DPP10: variants seen among roughly 807,000 people sequenced by gnomAD.
DPP10 encodes dipeptidyl peptidase like 10, also known as inactive dipeptidyl peptidase 10.
Under a neutral mutation model 120.9 loss-of-function variants are expected in DPP10, and 33 were observed. The observed-to-expected ratio is 0.27, with a 90% CI of 0.21 to 0.37. The LOEUF is 0.37. Ranked by LOEUF, DPP10 falls within the 10% of genes least tolerant of loss-of-function variation. The probability of loss-of-function intolerance (pLI) is 1.00; values close to 1 mark genes in which losing one functional copy is unlikely to be tolerated. For synonymous variants in DPP10, 337 were observed against 326.1 expected, an observed-to-expected ratio of 1.03 and a Z score of -0.36; for missense variants, 816 against 942.8, an observed-to-expected ratio of 0.87 and a Z score of 1.76.
At chr2:115,758,909 T>C (rs895962497) in intron 11 of DPP10, among the ~76,000 whole-genome samples, 13 of 152,178 alleles carry the variant, frequency 8.5e-5, no homozygotes, top group Admixed American at 2.6e-4. Context: ...TGACAACTCA[T>C]ATCATATTCT....
chr2:115,553,916 T>C (rs978948639), intron 5 of DPP10, among the ~76,000 whole-genome samples: 19 of 151,654 alleles, frequency 1.3e-4, no homozygotes, highest in African/African-American at 4.6e-4. Context: ...ACTGAATTAT[T>C]CAATGTTTCA....
At chr2:114,881,475 C>CTATCTATT in intron 1 of DPP10, among the ~76,000 whole-genome samples, 1 of 114,080 alleles carries the variant, frequency 8.8e-6, no homozygotes, top group South Asian at 3.6e-4. Context: ...ATCTATCTAT[C>CTATCTATT]TATCTATCTA....
chr2:115,087,912 T>C (rs897465193), intron 1 of DPP10, among the ~76,000 whole-genome samples: 2 of 152,152 alleles, frequency 1.3e-5, no homozygotes, highest in Non-Finnish European at 2.9e-5. Context: ...GGTGTCTTGG[T>C]TGATTTGAGC....
chr2:115,713,072 AT>A (rs1028601708), intron 7 of DPP10, among the ~76,000 whole-genome samples: 9 of 152,114 alleles, frequency 5.9e-5, no homozygotes, highest in African/African-American at 2.2e-4. Flanking sequence ...AGTAAATCTG[AT>A]TGGAATGAAC....
chr2:115,395,009 G>T (rs1208868469), intron 3 of DPP10, among the ~76,000 whole-genome samples: 1 of 152,170 alleles, frequency 6.6e-6, no homozygotes, highest in African/African-American at 2.4e-5. Context: ...GTAGACAAAA[G>T]TTTATGTTCT....
At chr2:114,780,792 A>C (rs1317171186) in intron 1 of DPP10, among the ~76,000 whole-genome samples, 2 of 152,220 alleles carry the variant, frequency 1.3e-5, no homozygotes, top group African/African-American at 2.4e-5. Context: ...TACCTAGTTA[A>C]ATTAATGAAT....
chr2:114,713,928 T>C (rs1701189273), intron 1 of DPP10, among the ~76,000 whole-genome samples: 1 of 149,944 alleles, frequency 6.7e-6, no homozygotes, highest in Admixed American at 6.7e-5. Context: ...GAGGTTGCAG[T>C]GAGCCGAGAT....
intron 1 of DPP10, among the ~76,000 whole-genome samples, chr2:115,091,864 T>G (rs1017358411): frequency 1.3e-5 from 2 of 152,192 alleles, no homozygotes; most frequent in Non-Finnish European, 1.5e-5. Context: ...GATTACATCT[T>G]GTTAGAAATG....
intron 1 of DPP10, among the ~76,000 whole-genome samples, chr2:115,142,311 G>A (rs1271963366): frequency 1.3e-5 from 2 of 152,160 alleles, no homozygotes; most frequent in African/African-American, 4.8e-5. Flanking sequence ...TCAAGCAAGG[G>A]TAGTAGAAGG....
intron 1 of DPP10, among the ~76,000 whole-genome samples, chr2:115,115,663 T>G (rs1327374997): frequency 6.6e-6 from 1 of 152,208 alleles, no homozygotes; most frequent in Non-Finnish European, 1.5e-5. Flanking sequence ...TGTTTATAAG[T>G]GGCATTTATC....
chr2:115,219,525 CT>C (rs1431593694), intron 1 of DPP10, among the ~76,000 whole-genome samples: 1 of 152,106 alleles, frequency 6.6e-6, no homozygotes, highest in Non-Finnish European at 1.5e-5. Flanking sequence ...AAGCAGGAAG[CT>C]GTTCCATAAA....
chr2:115,095,348 G>A (rs1306591556), intron 1 of DPP10, among the ~76,000 whole-genome samples: 1 of 152,108 alleles, frequency 6.6e-6, no homozygotes, highest in East Asian at 1.9e-4. Context: ...CTCATCCCTG[G>A]TAACAGGAGG....
intron 2 of DPP10, among the ~76,000 whole-genome samples, chr2:115,312,916 A>C (rs1168871267): frequency 6.6e-6 from 1 of 152,150 alleles, no homozygotes; most frequent in Non-Finnish European, 1.5e-5. Context: ...CCTCTAGAAC[A>C]ACTCTTCCAA....
At chr2:115,420,993 T>C (rs1041515982) in intron 3 of DPP10, among the ~76,000 whole-genome samples, 1 of 152,188 alleles carries the variant, frequency 6.6e-6, no homozygotes, top group African/African-American at 2.4e-5. Context: ...TTTCGTAATC[T>C]TTCTCCCTGA....
chr2:115,161,826 G>GCTCCCCCCCCCACCC, intron 1 of DPP10: 1 of 367,370 alleles, frequency 2.7e-6, no homozygotes, highest in Non-Finnish European at 4.2e-6. Flanking sequence ...CCGCCCCTCC[G>GCTCCCCCCCCCACCC]CTCCCCCCAC....
chr2:115,427,243 A>G (rs888321004), intron 3 of DPP10, among the ~76,000 whole-genome samples: 1 of 152,174 alleles, frequency 6.6e-6, no homozygotes, highest in African/African-American at 2.4e-5. Context: ...CCCTTCCCAC[A>G]GCTCCACTAG....
At chr2:115,380,725 G>T (rs954789603) in intron 3 of DPP10, among the ~76,000 whole-genome samples, 5 of 152,026 alleles carry the variant, frequency 3.3e-5, no homozygotes, top group African/African-American at 1.2e-4. Flanking sequence ...GCTTCCTTCA[G>T]GAGCTCTTTT....
chr2:114,785,397 G>T (rs1408423047), intron 1 of DPP10, among the ~76,000 whole-genome samples: 1 of 151,994 alleles, frequency 6.6e-6, no homozygotes, highest in Non-Finnish European at 1.5e-5. Context: ...GACCAATTCT[G>T]CTGTCTCCTG....
chr2:115,734,851 C>G (rs1368820724), intron 8 of DPP10, among the ~76,000 whole-genome samples: 1 of 151,884 alleles, frequency 6.6e-6, no homozygotes, highest in Non-Finnish European at 1.5e-5. Flanking sequence ...AAAGGTGGCA[C>G]GTTCAAAAGG....
Sources: allele counts gnomAD v4.1 joint callset (sites outside exome capture counted in the v4.1 genomes callset), GRCh38; gene constraint gnomAD v4.1.1; transcripts MANE v1.5; gene names NCBI Gene and HGNC (gene_info 2026-07-23, HGNC 2026-07-21).